E2F5: variants seen among roughly 807,000 people sequenced by gnomAD.
E2F5 encodes the protein E2F transcription factor 5, also known as transcription factor E2F5.
Under a neutral mutation model 39.1 loss-of-function variants are expected in E2F5, and 23 were observed. The observed-to-expected ratio is 0.59, with a 90% CI of 0.42 to 0.83. E2F5 has a LOEUF of 0.83. Ranked by LOEUF, E2F5 falls within the 40% of genes least tolerant of loss-of-function variation. The pLI, the probability that E2F5 is intolerant of heterozygous loss-of-function variation, is 0.00. For synonymous variants in E2F5, 145 were observed against 157.8 expected, an observed-to-expected ratio of 0.92 and a Z score of 0.61; for missense variants, 365 against 406.7, an observed-to-expected ratio of 0.90 and a Z score of 0.88.
At chr8:85,189,365 C>T (rs1293980165) in intron 1 of E2F5, among the ~76,000 whole-genome samples, 1 of 151,816 alleles carries the variant, frequency 6.6e-6, no homozygotes, top group East Asian at 1.9e-4. Flanking sequence ...ATTGTTCCTA[C>T]TTATTAATAT....
intron 1 of E2F5, among the ~76,000 whole-genome samples, chr8:85,198,169 CCT>C (rs1196723976): frequency 1.3e-5 from 2 of 152,028 alleles, no homozygotes; most frequent in African/African-American, 4.8e-5. Context: ...ATTAATATGC[CCT>C]GTTATTATCT....
intron 6 of E2F5, among the ~76,000 whole-genome samples, chr8:85,211,640 G>GTTT (rs1563984332): frequency 2.3e-4 from 19 of 81,104 alleles, no homozygotes; most frequent in African/African-American, 1.1e-3. Context: ...GAGGTTTGTT[G>GTTT]TTGTTTTTTT....
At chr8:85,179,023 C>T (rs1289652468) in intron 1 of E2F5, among the ~76,000 whole-genome samples, 1 of 152,092 alleles carries the variant, frequency 6.6e-6, no homozygotes, top group Non-Finnish European at 1.5e-5. Context: ...ATTCCTTGTT[C>T]TCTTTTTTCC....
rs916399945 is a variant in E2F5 at position 85,177,452 on chromosome 8, A to C, written c.32A>C (p.Gln11Pro). ...GCGGCAGAGCCCGCGAGCTCGGGCC[A>C]GCAGGCGCCGGCAGGGCAGGGGCAG... is the stretch of plus-strand genomic sequence containing the variant. The part of the protein sequence containing the change: MAAAEPASSG[Q>P]QAPAGQGQGQ... Residue 11 changes from glutamine (Q) to proline (P), a missense_variant, in exon 1 of 8, where the codon CAG becomes CCG. Gln to Pro is a moderately conservative substitution (Grantham distance 76). Transcript: ENST00000416274. The C allele has an allele frequency of 1.9e-4, 185 of 996,926 alleles. No individual in the cohort carries two copies. Among genetic ancestry groups the C allele is most frequent in the Non-Finnish European group, 2.1e-4 (179 of 839,006 alleles). 61.8% of individuals were successfully genotyped at this position (996,926 alleles called of 1,614,324 possible). A position where few individuals can be genotyped will look rare whatever the true frequency, so the allele number is the denominator to read the frequency against.
chr8:85,178,335 G>C lies in E2F5; in HGVS notation c.234+681G>C, dbSNP rs559474330. On this transcript the variant is annotated intron_variant, in intron 1 of 7. Coordinates refer to ENST00000416274, the MANE Select transcript of E2F5 (RefSeq NM_001951.4). Reference sequence around the variant, plus strand: ...CCAAAAGTGAGATCTGCTGTCACACGAAAAGGGGATATTTTACAACTTTCA... The same window carrying C: ...CCAAAAGTGAGATCTGCTGTCACACCAAAAGGGGATATTTTACAACTTTCA... Among the ~76,000 whole-genome samples the C allele has an allele frequency of 4.6e-5, 7 of 152,202 alleles. No individual in the cohort carries two copies. The South Asian group carries it at 1.2e-3, about 27-fold the overall frequency.
chr8:85,180,936 G>T (rs1245828773), intron 1 of E2F5, among the ~76,000 whole-genome samples: 2 of 151,558 alleles, frequency 1.3e-5, no homozygotes, highest in Non-Finnish European at 2.9e-5. Context: ...GGAGTGCAGT[G>T]GTACAATCTC....
In E2F5 at chr8:85,213,814, T is replaced by C. The variant is rs371647428; in HGVS notation, c.993T>C (p.Asp331=). 5.6e-6 allele frequency: 9 copies of C among 1,613,474 alleles called. 1 individual carries two copies. The highest frequency in any genetic ancestry group is 4.0e-5 in the African/African-American group (3 of 75,042). The part of the protein sequence containing the change: ...PADDYNFNLD[D]NEGVCDLFDV... ...ATGACTACAACTTTAATTTAGATGA[T>C]AACGAAGGAGTTTGTGATCTGTTTG... is the stretch of plus-strand genomic sequence containing the variant. The change falls in exon 8 of 8, where the codon GAT becomes GAC. Residue 331 remains aspartate (D), a synonymous_variant. Transcript: ENST00000416274.
chr8:85,206,619 C>T (rs1476226469), intron 4 of E2F5, among the ~76,000 whole-genome samples: 1 of 152,108 alleles, frequency 6.6e-6, no homozygotes, highest in East Asian at 1.9e-4. Context: ...AAATGAAACT[C>T]AAAGAAACCA....
rs1180161154 is a variant in E2F5, at chr8:85,213,811, T to C, written c.990T>C (p.Asp330=). ...TPADDYNFNL[D]DNEGVCDLFD... ...CAGATGACTACAACTTTAATTTAGA[T>C]GATAACGAAGGAGTTTGTGATCTGT... The change falls in exon 8 of 8, where the codon GAT becomes GAC. Residue 330 remains aspartate, a synonymous_variant. Coordinates refer to ENST00000416274, the MANE Select transcript of E2F5 (RefSeq NM_001951.4). The C allele has an allele frequency of 6.2e-7, 1 of 1,613,316 alleles. No individual in the cohort carries two copies. The highest frequency in any genetic ancestry group is 8.5e-7 in the Non-Finnish European group (1 of 1,179,600).
intron 1 of E2F5, among the ~76,000 whole-genome samples, chr8:85,195,228 C>G (rs866710634): frequency 4.6e-5 from 7 of 151,882 alleles, no homozygotes; most frequent in Non-Finnish European, 1.0e-4. Flanking sequence ...ACTAAAAATA[C>G]AAAAATTAGC....
intron 1 of E2F5, among the ~76,000 whole-genome samples, chr8:85,183,589 CAT>C (rs1251469816): frequency 6.6e-6 from 1 of 152,178 alleles, no homozygotes; most frequent in Non-Finnish European, 1.5e-5. Flanking sequence ...AAAATGCTGA[CAT>C]ATGCTGCAAC....
intron 2 of E2F5, 122 bp downstream of exon 2, chr8:85,202,378 C>T: frequency 1.5e-6 from 1 of 659,482 alleles, no homozygotes; most frequent in South Asian, 2.1e-5. Flanking sequence ...CTCAGCTTTC[C>T]CTGAACACAC....
chr8:85,184,933 C>T (rs999187779), intron 1 of E2F5, among the ~76,000 whole-genome samples: 51 of 152,194 alleles, frequency 3.4e-4, no homozygotes, highest in African/African-American at 1.2e-3. Flanking sequence ...CATGGCCATA[C>T]TGCCCAAAGT....
chr8:85,199,702 C>G (rs191663377), intron 1 of E2F5, among the ~76,000 whole-genome samples: 6 of 152,342 alleles, frequency 3.9e-5, no homozygotes, highest in Admixed American at 2.0e-4. Context: ...TAAACACAGT[C>G]TTACCCACGA....
In E2F5 at chr8:85,212,134, CAA is replaced by C. The variant is rs779296136; in HGVS notation, c.884-20_884-19del. ...TCTTTTACTGTTAACAGAAATATAA[CAA>C]AACTTTATTACTGTTTCCAGCAGGA... On this transcript the variant is annotated intron_variant, in intron 6 of 7. Transcript: ENST00000416274. The C allele has an allele frequency of 2.3e-5, 36 of 1,587,800 alleles. No individual in the cohort carries two copies. The East Asian group carries it at 6.7e-4, about 30-fold the overall frequency.
chr8:85,179,330 A>G (rs1478558611), intron 1 of E2F5, among the ~76,000 whole-genome samples: 1 of 152,194 alleles, frequency 6.6e-6, no homozygotes, highest in African/African-American at 2.4e-5. Flanking sequence ...GCCTCAGGAT[A>G]TGGTGGAACT....
intron 7 of E2F5, chr8:85,213,508 A>C (rs1812997586): frequency 4.7e-6 from 1 of 210,888 alleles, no homozygotes; most frequent in Admixed American, 6.5e-5. Context: ...GAGCTACTGC[A>C]CTCCAGCCTG....
At position 85,207,406 on chromosome 8, in the gene E2F5, T is replaced by A; in HGVS notation, c.551-19T>A. On this transcript the variant is annotated intron_variant, in intron 4 of 7. Coordinates refer to ENST00000416274, the MANE Select transcript of E2F5 (RefSeq NM_001951.4). ...ATCAACAGTATTTTATGTAACTTTT[T>A]ATATTTATTTTTGACCAGGTGATAC... 6.5e-7 allele frequency: 1 copy of A among 1,547,934 alleles called. No individual in the cohort carries two copies. The highest frequency in any genetic ancestry group is 8.7e-7 in the Non-Finnish European group (1 of 1,144,666).
intron 1 of E2F5, among the ~76,000 whole-genome samples, chr8:85,178,693 C>A (rs189731536): frequency 2.6e-5 from 4 of 152,200 alleles, no homozygotes; most frequent in African/African-American, 9.7e-5. Flanking sequence ...CCTTACCTGG[C>A]TTGAGAGTGT....
Sources: allele counts gnomAD v4.1 joint callset (sites outside exome capture counted in the v4.1 genomes callset), GRCh38; gene constraint gnomAD v4.1.1; transcripts MANE v1.5; gene names NCBI Gene and HGNC (gene_info 2026-07-23, HGNC 2026-07-21).